Variants in DLGAP1 observed in about 807,000 individuals in gnomAD.
DLGAP1 encodes the protein disks large-associated protein 1.
Under a neutral mutation model 90.8 loss-of-function variants are expected in DLGAP1, and 11 were observed. That is an observed-to-expected ratio of 0.12 (90% CI 0.08 to 0.20). The LOEUF (loss-of-function observed/expected upper bound fraction) is 0.20. Among genes scored for constraint, DLGAP1 ranks in the 10% least tolerant of loss-of-function variants. DLGAP1 has a pLI of 1.00. For missense variants in DLGAP1, 1,050 were observed against 1,333.8 expected, an observed-to-expected ratio of 0.79 and a Z score of 3.31; for synonymous variants, 558 against 540.7, an observed-to-expected ratio of 1.03 and a Z score of -0.44.
chr18:3,507,822 C>T (rs898031153), intron 11 of DLGAP1, among the ~76,000 whole-genome samples: 5 of 145,044 alleles, frequency 3.4e-5, no homozygotes, highest in Non-Finnish European at 6.0e-5. Flanking sequence ...CTGCAACCTC[C>T]GCCTCCTGGG....
rs376449392 is a variant in DLGAP1 at position 3,682,524 on chromosome 18, G to A, written c.1591+46611C>T. Reference sequence around the variant, plus strand: ...ATACACGAGAAAAGAAGTTGGGCCCGATCCTCTCTCTGTTTCTGATTTTTA... The same window carrying A: ...ATACACGAGAAAAGAAGTTGGGCCCAATCCTCTCTCTGTTTCTGATTTTTA... On this transcript the variant is annotated intron_variant, in intron 7 of 12. Coordinates refer to ENST00000315677, the MANE Select transcript of DLGAP1 (RefSeq NM_004746.4). Among the ~76,000 whole-genome samples the A allele has an allele frequency of 9.8e-5, 15 of 152,298 alleles. No homozygotes were observed. In the East Asian group the frequency reaches 2.1e-3, roughly 22 times the overall value.
intron 2 of DLGAP1, among the ~76,000 whole-genome samples, chr18:4,080,156 A>G (rs150590665): frequency 3.3e-5 from 5 of 152,302 alleles, no homozygotes; most frequent in Non-Finnish European, 7.3e-5. Context: ...AGAGTTCTTT[A>G]TGCCTAAAAA....
intron 3 of DLGAP1, among the ~76,000 whole-genome samples, chr18:3,935,044 G>T (rs1393222689): frequency 1.3e-5 from 2 of 152,228 alleles, no homozygotes; most frequent in East Asian, 3.8e-4. Context: ...TCCGCCTAAT[G>T]AAGTTTCTGT....
intron 5 of DLGAP1, among the ~76,000 whole-genome samples, chr18:3,776,444 A>G (rs1023966014): frequency 3.3e-5 from 5 of 152,144 alleles, no homozygotes; most frequent in African/African-American, 1.2e-4. Context: ...TCCAGGTTGC[A>G]TGGGCCTCAG....
intron 3 of DLGAP1, among the ~76,000 whole-genome samples, chr18:3,928,055 C>A (rs554952794): frequency 5.8e-4 from 88 of 152,296 alleles, no homozygotes; most frequent in African/African-American, 2.1e-3. Context: ...TTTCTCTATG[C>A]TTTATGTAAT....
intron 7 of DLGAP1, among the ~76,000 whole-genome samples, chr18:3,595,187 C>G (rs1176391859): frequency 6.6e-6 from 1 of 152,206 alleles, no homozygotes; most frequent in Non-Finnish European, 1.5e-5. Flanking sequence ...GAGAGGCGGG[C>G]ACCCCTTCTG....
intron 11 of DLGAP1, among the ~76,000 whole-genome samples, chr18:3,507,285 A>G (rs2050283066): frequency 6.6e-6 from 1 of 151,780 alleles, no homozygotes; most frequent in Admixed American, 6.6e-5. Flanking sequence ...GGAGTTTGAG[A>G]CTATCCTGGC....
At chr18:4,063,326 G>A (rs1024127879) in intron 2 of DLGAP1, among the ~76,000 whole-genome samples, 1 of 152,064 alleles carries the variant, frequency 6.6e-6, no homozygotes, top group African/African-American at 2.4e-5. Flanking sequence ...ACTACATTTT[G>A]AGCTCAAAAG....
chr18:4,049,982 T>A (rs746858945), intron 2 of DLGAP1, among the ~76,000 whole-genome samples: 2 of 152,166 alleles, frequency 1.3e-5, no homozygotes, highest in Non-Finnish European at 2.9e-5. Context: ...ATTCTTTCTC[T>A]CATTTATTAG....
At chr18:3,672,973 T>G (rs1028719698) in intron 7 of DLGAP1, among the ~76,000 whole-genome samples, 32 of 152,220 alleles carry the variant, frequency 2.1e-4, no homozygotes, top group African/African-American at 7.7e-4. Flanking sequence ...GTGTCTTCAG[T>G]CTTTTGCCTC....
At chr18:3,806,183 C>T (rs532989575) in intron 5 of DLGAP1, among the ~76,000 whole-genome samples, 1 of 152,238 alleles carries the variant, frequency 6.6e-6, no homozygotes, top group African/African-American at 2.4e-5. Flanking sequence ...AAGCTAATAA[C>T]GAACTATGCT....
chr18:4,430,112 G>C (rs2083251922), intron 1 of DLGAP1, among the ~76,000 whole-genome samples: 1 of 152,202 alleles, frequency 6.6e-6, no homozygotes, highest in Non-Finnish European at 1.5e-5. Flanking sequence ...ATGGAGGACA[G>C]GAGGGCGCTG....
At chr18:3,577,799 T>C (rs2055245163) in intron 8 of DLGAP1, among the ~76,000 whole-genome samples, 1 of 152,240 alleles carries the variant, frequency 6.6e-6, no homozygotes, top group South Asian at 2.1e-4. Context: ...AAATGGCATC[T>C]TTTATGTATT....
intron 1 of DLGAP1, among the ~76,000 whole-genome samples, chr18:4,403,800 C>G (rs1359267848): frequency 1.3e-5 from 2 of 151,940 alleles, no homozygotes; most frequent in Non-Finnish European, 2.9e-5. Context: ...GTTGAGTGTC[C>G]ATGGGTTATT....
intron 1 of DLGAP1, among the ~76,000 whole-genome samples, chr18:4,259,598 C>T (rs1235778393): frequency 6.6e-6 from 1 of 152,158 alleles, no homozygotes; most frequent in African/African-American, 2.4e-5. Flanking sequence ...AATGTGATCT[C>T]TAGAGATAAA....
At chr18:4,064,872 C>CA (rs2075349708) in intron 2 of DLGAP1, among the ~76,000 whole-genome samples, 2 of 151,848 alleles carry the variant, frequency 1.3e-5, no homozygotes, top group Admixed American at 1.3e-4. Flanking sequence ...AAAGATACAA[C>CA]AAAAAAAGAA....
chr18:4,343,390 A>C (rs2081240405), intron 1 of DLGAP1, among the ~76,000 whole-genome samples: 1 of 152,070 alleles, frequency 6.6e-6, no homozygotes, highest in Admixed American at 6.6e-5. Flanking sequence ...ACAAATCCAG[A>C]CAAGTTATAC....
intron 1 of DLGAP1, among the ~76,000 whole-genome samples, chr18:4,235,216 C>T (rs573112353): frequency 2.6e-5 from 4 of 152,174 alleles, no homozygotes; most frequent in African/African-American, 9.7e-5. Context: ...TGTACCCTCA[C>T]GGGCCCACCA....
intron 7 of DLGAP1, among the ~76,000 whole-genome samples, chr18:3,677,580 C>T (rs887262261): frequency 6.6e-6 from 1 of 152,230 alleles, no homozygotes; most frequent in African/African-American, 2.4e-5. Flanking sequence ...GACAGAGATC[C>T]ATGTTTCTAG....
Sources: allele counts gnomAD v4.1 joint callset (sites outside exome capture counted in the v4.1 genomes callset), GRCh38; gene constraint gnomAD v4.1.1; transcripts MANE v1.5; gene names NCBI Gene and HGNC (gene_info 2026-07-23, HGNC 2026-07-21).